The following SOX5 variants were observed in gnomAD, a reference collection of about 807,000 sequenced individuals.
The protein encoded by SOX5 is transcription factor SOX-5.
Under a neutral mutation model 92.0 loss-of-function variants are expected in SOX5, and 9 were observed. That is an observed-to-expected ratio of 0.10 (90% CI 0.06 to 0.17). The LOEUF (loss-of-function observed/expected upper bound fraction) is 0.17, where lower values mean the gene tolerates loss of function less well. SOX5 is among the 10% of genes least tolerant of loss of function. SOX5 has a pLI of 1.00. For synonymous variants in SOX5, 344 were observed against 336.3 expected (o/e 1.02, Z -0.25); for missense variants, 642 against 944.5 (o/e 0.68, Z 4.20).
At chr12:24,327,811 C>A (rs908369412) in intron 2 of SOX5, among the ~76,000 whole-genome samples, 2 of 151,818 alleles carry the variant, frequency 1.3e-5, no homozygotes, top group South Asian at 4.2e-4. Flanking sequence ...CCAGGATGGT[C>A]TCCATCTCCT....
chr12:24,107,384 C>T (rs531747299), intron 4 of SOX5, among the ~76,000 whole-genome samples: 4 of 152,146 alleles, frequency 2.6e-5, no homozygotes, highest in Non-Finnish European at 5.9e-5. Flanking sequence ...GAATATACCT[C>T]ATTTATAAAT....
chr12:24,163,653 T>C (rs576485413), intron 4 of SOX5, among the ~76,000 whole-genome samples: 1 of 152,104 alleles, frequency 6.6e-6, no homozygotes, highest in South Asian at 2.1e-4. Context: ...GAAAACAGCA[T>C]GGGGCATAGG....
rs550351626 is a variant in SOX5 at position 23,828,156 on chromosome 12, C to A, written c.481+17827G>T. 4.2e-4 allele frequency among the ~76,000 whole-genome samples: 64 copies of A among 152,224 alleles called. 1 individual carries two copies. In the South Asian group the frequency reaches 0.013, roughly 32 times the overall value. On this transcript the variant is annotated intron_variant, in intron 3 of 14. Coordinates refer to ENST00000451604, the MANE Select transcript of SOX5 (RefSeq NM_006940.6). ...TTACTTTTTTGTTACAATTGCCTAC[C>A]ATATTCAGTTCAGTAACATACTGTA... is the stretch of plus-strand genomic sequence containing the variant.
chr12:23,954,520 C>T (rs1946051141), upstream of SOX5, among the ~76,000 whole-genome samples: 1 of 151,792 alleles, frequency 6.6e-6, no homozygotes, highest in African/African-American at 2.4e-5. Flanking sequence ...AGTCATTCAC[C>T]AGATGCCTGG....
chr12:23,660,477 T>C (rs1260866226), intron 7 of SOX5, among the ~76,000 whole-genome samples: 1 of 152,178 alleles, frequency 6.6e-6, no homozygotes, highest in Non-Finnish European at 1.5e-5. Flanking sequence ...TCAAAGTACC[T>C]CTCTATTTGC....
chr12:24,275,062 G>A (rs1479894465), intron 3 of SOX5, among the ~76,000 whole-genome samples: 1 of 151,912 alleles, frequency 6.6e-6, no homozygotes, highest in Non-Finnish European at 1.5e-5. Flanking sequence ...GTAACCAAAA[G>A]GATGGGTGCT....
chr12:23,841,184 C>T (rs2096509736), intron 3 of SOX5, among the ~76,000 whole-genome samples: 1 of 152,010 alleles, frequency 6.6e-6, no homozygotes, highest in African/African-American at 2.4e-5. Flanking sequence ...CCAGGCACTT[C>T]ATTAAAGGCA....
intron 1 of SOX5, chr12:23,920,677 G>C (rs562644601): frequency 6.6e-6 from 1 of 152,274 alleles, no homozygotes; most frequent in East Asian, 1.9e-4. Flanking sequence ...CAATATGCTT[G>C]CCAAAACTGT....
rs1456948779 is a variant in SOX5, at chr12:24,108,583, A to G, written c.-2+104760T>C. ...ATAGGAAAAAGTTTAAAATGACATTAATTATAGCCTATTAACAAATTCAGA... is the reference window on the plus strand; with the variant it reads ...ATAGGAAAAAGTTTAAAATGACATTGATTATAGCCTATTAACAAATTCAGA... On this transcript the variant is annotated intron_variant, in intron 4 of 4. Transcript: ENST00000446891. Among the ~76,000 whole-genome samples the G allele has an allele frequency of 3.3e-5, 5 of 152,162 alleles. No homozygotes were observed. In the East Asian group the frequency reaches 7.7e-4, roughly 23 times the overall value.
chr12:23,802,748 T>C (rs557411691), intron 3 of SOX5, among the ~76,000 whole-genome samples: 2 of 152,290 alleles, frequency 1.3e-5, no homozygotes, highest in South Asian at 4.1e-4. Flanking sequence ...CTCCATGGGT[T>C]TATATGTCAT....
At chr12:23,913,606 TCC>T (rs2138508148) in intron 1 of SOX5, among the ~76,000 whole-genome samples, 1 of 151,960 alleles carries the variant, frequency 6.6e-6, no homozygotes, top group South Asian at 2.1e-4. Flanking sequence ...TGTGGTGGCA[TCC>T]ACCTATAATT....
At chr12:24,107,943 A>G (rs1946870171) in intron 4 of SOX5, among the ~76,000 whole-genome samples, 2 of 152,240 alleles carry the variant, frequency 1.3e-5, no homozygotes, top group East Asian at 3.8e-4. Flanking sequence ...CATACAGTGT[A>G]TAGGCTGCAA....
chr12:24,267,427 AC>A (rs1380667465), intron 3 of SOX5, among the ~76,000 whole-genome samples: 2 of 152,206 alleles, frequency 1.3e-5, no homozygotes, highest in Non-Finnish European at 2.9e-5. Context: ...AAAATAAAAA[AC>A]ACAATTCATA....
At chr12:24,008,428 C>T (rs1286735642) in intron 4 of SOX5, among the ~76,000 whole-genome samples, 4 of 151,884 alleles carry the variant, frequency 2.6e-5, no homozygotes, top group Non-Finnish European at 4.4e-5. Context: ...CAGATAGGGC[C>T]TAATTATGTC....
intron 10 of SOX5, among the ~76,000 whole-genome samples, chr12:23,573,896 G>A (rs1948740973): frequency 6.6e-6 from 1 of 151,898 alleles, no homozygotes; most frequent in Non-Finnish European, 1.5e-5. Flanking sequence ...AATAATAAAT[G>A]TTAAACAATA....
intron 6 of SOX5, among the ~76,000 whole-genome samples, chr12:23,718,072 T>TTTA (rs2092610006): frequency 2.6e-5 from 4 of 151,886 alleles, no homozygotes; most frequent in Admixed American, 2.0e-4. Flanking sequence ...AAGTTCATGA[T>TTTA]AATTTTTAAA....
At chr12:24,461,069 T>C (rs144362992) in intron 1 of SOX5, among the ~76,000 whole-genome samples, 401 of 152,332 alleles carry the variant, frequency 2.6e-3, no homozygotes, top group Middle Eastern at 6.8e-3. Context: ...CATATTTATG[T>C]ATGTTTGGCC....
chr12:24,077,607 T>A, intron 4 of SOX5, among the ~76,000 whole-genome samples: 1 of 151,656 alleles, frequency 6.6e-6, no homozygotes, highest in Middle Eastern at 3.4e-3. Context: ...ATACACAAAA[T>A]CAATATGTAT....
chr12:23,747,230 A>G (rs1252130646), intron 4 of SOX5, among the ~76,000 whole-genome samples: 2 of 152,096 alleles, frequency 1.3e-5, no homozygotes, highest in Non-Finnish European at 2.9e-5. Context: ...CAGTCTCTGT[A>G]TCTCATTTCC....
Sources: allele counts gnomAD v4.1 joint callset (sites outside exome capture counted in the v4.1 genomes callset), GRCh38; gene constraint gnomAD v4.1.1; transcripts MANE v1.5; gene names NCBI Gene and HGNC (gene_info 2026-07-23, HGNC 2026-07-21).